FOXP2: variants seen among roughly 807,000 people sequenced by gnomAD.
FOXP2 encodes the protein forkhead box protein P2.
FOXP2 carries 12 observed loss-of-function variants against 115.8 expected under a neutral mutation model. The observed-to-expected ratio is 0.10, with a 90% CI of 0.07 to 0.17. The LOEUF is 0.17. Among genes scored for constraint, FOXP2 ranks in the 10% least tolerant of loss-of-function variants. The pLI, the probability that FOXP2 is intolerant of heterozygous loss-of-function variation, is 1.00. For missense variants in FOXP2, 629 were observed against 843.5 expected (o/e 0.75, Z 3.15); for synonymous variants, 328 against 297.7 (o/e 1.10, Z -1.05).
chr7:114,283,730 A>T (rs997688956), intron 1 of FOXP2, among the ~76,000 whole-genome samples: 2 of 152,160 alleles, frequency 1.3e-5, no homozygotes, highest in Non-Finnish European at 2.9e-5. Flanking sequence ...TGGGAGGCTA[A>T]TATGAGAGGA....
chr7:114,221,116 T>C (rs1794610918), intron 1 of FOXP2, among the ~76,000 whole-genome samples: 1 of 152,150 alleles, frequency 6.6e-6, no homozygotes, highest in Non-Finnish European at 1.5e-5. Flanking sequence ...AAGTTAAAGT[T>C]TGTGATTTTT....
intron 1 of FOXP2, among the ~76,000 whole-genome samples, chr7:114,119,218 C>T (rs966046270): frequency 6.6e-6 from 1 of 152,072 alleles, no homozygotes; most frequent in Non-Finnish European, 1.5e-5. Context: ...AATATTCTAT[C>T]AGAAGCCGGA....
intron 1 of FOXP2, among the ~76,000 whole-genome samples, chr7:114,217,054 A>ATGTTTT (rs1563009437): frequency 6.6e-6 from 1 of 152,204 alleles, no homozygotes; most frequent in East Asian, 1.9e-4. Flanking sequence ...AGAACAGATA[A>ATGTTTT]TGTTTTAAAA....
intron 8 of FOXP2, 79 bp downstream of exon 8, chr7:114,644,868 A>G: frequency 9.1e-7 from 1 of 1,104,542 alleles, no homozygotes; most frequent in Non-Finnish European, 1.4e-6. Context: ...AATAAACAAA[A>G]GATGAAGGAG....
At chr7:114,471,413 A>G (rs535406811) in intron 2 of FOXP2, among the ~76,000 whole-genome samples, 9 of 152,208 alleles carry the variant, frequency 5.9e-5, no homozygotes, top group Admixed American at 5.2e-4. Flanking sequence ...GCATCAGCTA[A>G]TCAACCTGAC....
At chr7:114,371,577 T>C (rs939910191) in intron 2 of FOXP2, among the ~76,000 whole-genome samples, 1 of 152,180 alleles carries the variant, frequency 6.6e-6, no homozygotes, top group Non-Finnish European at 1.5e-5. Flanking sequence ...ATTTGGATTA[T>C]ATTTGTTATT....
chr7:114,681,906 T>A (rs1808102339), intron 16 of FOXP2, among the ~76,000 whole-genome samples: 4 of 152,172 alleles, frequency 2.6e-5, no homozygotes, highest in Admixed American at 2.6e-4. Context: ...ACTGAAATAC[T>A]TTTAGAGCTA....
At chr7:114,494,704 C>A (rs1797230516) in intron 2 of FOXP2, among the ~76,000 whole-genome samples, 1 of 151,966 alleles carries the variant, frequency 6.6e-6, no homozygotes, top group African/African-American at 2.4e-5. Context: ...AATAATATTG[C>A]AAATTCTGGA....
At chr7:114,322,717 TGTG>T (rs372450756) in intron 2 of FOXP2, among the ~76,000 whole-genome samples, 86 of 152,284 alleles carry the variant, frequency 5.6e-4, no homozygotes, top group African/African-American at 1.9e-3. Flanking sequence ...TCTAAAAAAA[TGTG>T]GTACTTTATC....
At chr7:114,210,348 T>A (rs1311393628) in intron 1 of FOXP2, among the ~76,000 whole-genome samples, 1 of 152,152 alleles carries the variant, frequency 6.6e-6, no homozygotes, top group East Asian at 1.9e-4. Context: ...TTGTTGTTGG[T>A]CTTCTTGTTT....
intron 14 of FOXP2, among the ~76,000 whole-genome samples, 184 bp downstream of exon 14, chr7:114,662,370 C>T (rs112131273): frequency 2.9e-4 from 44 of 152,006 alleles, no homozygotes; most frequent in African/African-American, 9.4e-4. Flanking sequence ...CAATTTTTTC[C>T]GTAAAAATCA....
chr7:114,340,754 G>T (rs1791183346), intron 2 of FOXP2, among the ~76,000 whole-genome samples: 1 of 151,058 alleles, frequency 6.6e-6, no homozygotes, highest in Non-Finnish European at 1.5e-5. Context: ...CCCTGTGATT[G>T]CACCCCCACT....
At chr7:114,166,161 G>C (rs921098745) in intron 1 of FOXP2, among the ~76,000 whole-genome samples, 1 of 152,006 alleles carries the variant, frequency 6.6e-6, no homozygotes, top group African/African-American at 2.4e-5. Flanking sequence ...ACTTCTAGAA[G>C]ATAACATAGA....
intron 1 of FOXP2, among the ~76,000 whole-genome samples, chr7:114,115,073 G>A (rs539228623): frequency 5.9e-5 from 9 of 151,910 alleles, no homozygotes; most frequent in Admixed American, 3.9e-4. Flanking sequence ...ACTTCAGTCC[G>A]TCTACTTTTT....
intron 1 of FOXP2, among the ~76,000 whole-genome samples, chr7:114,116,564 G>C (rs1309885589): frequency 6.6e-6 from 1 of 151,462 alleles, no homozygotes; most frequent in Non-Finnish European, 1.5e-5. Flanking sequence ...CTGTAAATGA[G>C]AATAGGAAAA....
intron 1 of FOXP2, among the ~76,000 whole-genome samples, chr7:114,199,432 T>C (rs1794001541): frequency 6.6e-6 from 1 of 152,144 alleles, no homozygotes; most frequent in African/African-American, 2.4e-5. Flanking sequence ...TACATGATGG[T>C]CAATACCAGA....
At chr7:114,217,136 A>G (rs1794504900) in intron 1 of FOXP2, among the ~76,000 whole-genome samples, 1 of 152,192 alleles carries the variant, frequency 6.6e-6, no homozygotes, top group Non-Finnish European at 1.5e-5. Context: ...ATACCTTGGA[A>G]TTAACAAAAA....
intron 2 of FOXP2, among the ~76,000 whole-genome samples, chr7:114,445,578 G>T (rs1339471337): frequency 1.3e-5 from 2 of 152,100 alleles, no homozygotes; most frequent in Non-Finnish European, 2.9e-5. Context: ...TACTTTGTGG[G>T]ATACCAACTA....
intron 3 of FOXP2, chr7:114,538,238 A>G (rs1043813121): frequency 2.0e-6 from 2 of 987,988 alleles, no homozygotes; most frequent in Non-Finnish European, 2.8e-6. Flanking sequence ...TGTAAAATAC[A>G]TTTTCAATTT....
Sources: allele counts gnomAD v4.1 joint callset (sites outside exome capture counted in the v4.1 genomes callset), GRCh38; gene constraint gnomAD v4.1.1; transcripts MANE v1.5; gene names NCBI Gene and HGNC (gene_info 2026-07-23, HGNC 2026-07-21).